Variants in NUMB observed in about 807,000 individuals in gnomAD.
The protein encoded by NUMB is NUMB endocytic adaptor protein, also known as protein numb homolog.
NUMB carries 29 observed loss-of-function variants against 59.7 expected under a neutral mutation model. The observed-to-expected ratio is 0.49, with a 90% CI of 0.36 to 0.66. NUMB has a LOEUF of 0.66. Ranked by LOEUF, NUMB falls within the 30% of genes least tolerant of loss-of-function variation. The pLI is 0.00. For synonymous variants in NUMB, 288 were observed against 288.2 expected (o/e 1.00, Z 0.01); for missense variants, 723 against 822.0 (o/e 0.88, Z 1.47).
rs1390806362 is a variant in NUMB, at chr14:73,277,000, G to A, written c.1534C>T (p.Pro512Ser). The A allele has an allele frequency of 1.2e-6, 2 of 1,614,162 alleles. No individual in the cohort carries two copies. Among genetic ancestry groups the A allele is most frequent in the Non-Finnish European group, 1.7e-6 (2 of 1,180,040 alleles). ...GGATAGGGCATTCCATTGGCCACAG[G>A]ATAGGACTGGGCAGGGACAAAGGCT... Reference protein sequence around the residue: ...QPAFVPAQSYPVANGMPYPAP... With the variant: ...QPAFVPAQSYSVANGMPYPAP... The change falls in exon 13 of 13, where the codon CCT becomes TCT. Residue 512 changes from proline to serine, a missense_variant. This residue lies in a region of NUMB where 406 missense variants were observed against 385.4 expected (regional missense o/e 1.05). Transcript: ENST00000555238.
At chr14:73,291,641 G>A (rs1241237969) in intron 8 of NUMB, among the ~76,000 whole-genome samples, 3 of 151,850 alleles carry the variant, frequency 2.0e-5, no homozygotes, top group African/African-American at 7.3e-5. Context: ...GCCTCCCAAA[G>A]TGCTGGGATT....
At chr14:73,302,207 A>G (rs1183657119) in intron 6 of NUMB, among the ~76,000 whole-genome samples, 1 of 152,200 alleles carries the variant, frequency 6.6e-6, no homozygotes, top group Non-Finnish European at 1.5e-5. Context: ...ATCTCTCTGA[A>G]GAGGGGAAGA....
chr14:73,392,940 G>T (rs1895925081), intron 2 of NUMB, among the ~76,000 whole-genome samples: 2 of 152,096 alleles, frequency 1.3e-5, no homozygotes, highest in Admixed American at 6.5e-5. Context: ...AAAGTTGTAG[G>T]CAAAATTTAA....
intron 2 of NUMB, among the ~76,000 whole-genome samples, chr14:73,407,024 G>A (rs1177204574): frequency 6.6e-6 from 1 of 152,024 alleles, no homozygotes; most frequent in Non-Finnish European, 1.5e-5. Flanking sequence ...TGTATTTTTA[G>A]TAGAGACGGG....
chr14:73,335,834 C>T (rs1254422530), intron 4 of NUMB, among the ~76,000 whole-genome samples: 1 of 152,208 alleles, frequency 6.6e-6, no homozygotes, highest in East Asian at 1.9e-4. Flanking sequence ...CATCTTAACA[C>T]ATACATACAT....
intron 1 of NUMB, among the ~76,000 whole-genome samples, chr14:73,433,857 A>C (rs1433898194): frequency 6.6e-6 from 1 of 152,234 alleles, no homozygotes; most frequent in African/African-American, 2.4e-5. Context: ...TGGGAGGCCG[A>C]GGCCGATGGA....
rs561065846 is a variant in NUMB, at chr14:73,348,552, C to T, written c.126+7074G>A. Among the ~76,000 whole-genome samples, 21 of 152,300 alleles carry T rather than the reference C, an allele frequency of 1.4e-4. 1 individual carries two copies. In the South Asian group the frequency reaches 4.1e-3, roughly 30 times the overall value. On this transcript the variant is annotated intron_variant, in intron 4 of 12. Coordinates refer to ENST00000555238, the MANE Select transcript of NUMB (RefSeq NM_001005743.2). ...TGGCAGTGTTAGATTCTCATAGGAG[C>T]GCGAACTCTATTGTGAACTACCCAC... is the stretch of plus-strand genomic sequence containing the variant.
intron 6 of NUMB, among the ~76,000 whole-genome samples, chr14:73,311,817 G>C (rs1337134197): frequency 6.6e-6 from 1 of 152,206 alleles, no homozygotes; most frequent in African/African-American, 2.4e-5. Context: ...TCATTTTGAG[G>C]TTTCATCAAA....
At chr14:73,451,733 A>G (rs1422391090) in intron 1 of NUMB, among the ~76,000 whole-genome samples, 2 of 152,234 alleles carry the variant, frequency 1.3e-5, no homozygotes, top group Non-Finnish European at 2.9e-5. Flanking sequence ...AAAGGTAACC[A>G]AGGCCAATCT....
At chr14:73,389,757 A>C (rs1444902037) in intron 2 of NUMB, among the ~76,000 whole-genome samples, 3 of 152,246 alleles carry the variant, frequency 2.0e-5, no homozygotes, top group African/African-American at 7.2e-5. Flanking sequence ...AAATTATATA[A>C]TTCAATAGTC....
At chr14:73,354,447 G>T (rs1893654099) in intron 4 of NUMB, among the ~76,000 whole-genome samples, 1 of 149,274 alleles carries the variant, frequency 6.7e-6, no homozygotes, top group Non-Finnish European at 1.5e-5. Flanking sequence ...GGAGACGGAG[G>T]TTGCAGTGAG....
chr14:73,375,609 G>T (rs890211893), intron 2 of NUMB, among the ~76,000 whole-genome samples: 4 of 152,058 alleles, frequency 2.6e-5, no homozygotes, highest in Non-Finnish European at 5.9e-5. Context: ...CTGAGTATTT[G>T]ATCAGCATGC....
intron 1 of NUMB, among the ~76,000 whole-genome samples, chr14:73,446,346 G>A (rs373912797): frequency 2.6e-5 from 4 of 151,920 alleles, no homozygotes; most frequent in African/African-American, 9.7e-5. Context: ...GGTGGCTCAC[G>A]CCTGTAATCC....
chr14:73,373,123 T>C (rs1894789411), intron 2 of NUMB, among the ~76,000 whole-genome samples: 1 of 152,186 alleles, frequency 6.6e-6, no homozygotes, highest in African/African-American at 2.4e-5. Flanking sequence ...CCATAAAAAA[T>C]GAACCTTTCC....
intron 4 of NUMB, among the ~76,000 whole-genome samples, chr14:73,341,165 A>G (rs910842578): frequency 2.0e-5 from 3 of 152,204 alleles, no homozygotes; most frequent in Admixed American, 2.0e-4. Context: ...GGACTAATAC[A>G]CTGACCTACA....
intron 1 of NUMB, among the ~76,000 whole-genome samples, chr14:73,420,249 C>G (rs1436140473): frequency 1.3e-5 from 2 of 152,210 alleles, no homozygotes; most frequent in African/African-American, 4.8e-5. Flanking sequence ...CTGCAAGACA[C>G]GTTGTCGTCT....
In NUMB at chr14:73,389,284, AAAAAAAAAAC is replaced by A. The variant is rs1435083418; in HGVS notation, c.-101+20643_-101+20652del. On this transcript the variant is annotated intron_variant, in intron 2 of 12. Coordinates refer to ENST00000555238, the MANE Select transcript of NUMB (RefSeq NM_001005743.2). ...AGACTCCATCTCTCAAAAAAAAAAA[AAAAAAAAAAC>A]AAAAACAAAAACACTGGTCTCTGTT... Among the ~76,000 whole-genome samples, 28 of 101,334 alleles carry A rather than the reference AAAAAAAAAAC, an allele frequency of 2.8e-4. 1 individual carries two copies. Among genetic ancestry groups the A allele is most frequent in the Non-Finnish European group, 3.5e-4 (19 of 54,170 alleles). The allele number at this position is 101,334 out of a possible 152,430, so 66.5% of individuals were successfully genotyped here. A position where few individuals can be genotyped will look rare whatever the true frequency, so the allele number is the denominator to read the frequency against.
At chr14:73,373,326 G>A (rs1410477897) in intron 2 of NUMB, among the ~76,000 whole-genome samples, 1 of 152,238 alleles carries the variant, frequency 6.6e-6, no homozygotes, top group African/African-American at 2.4e-5. Context: ...TGCAAGGGCA[G>A]GACCCAGTAG....
chr14:73,436,096 T>G (rs184207098), intron 1 of NUMB, among the ~76,000 whole-genome samples: 1 of 152,164 alleles, frequency 6.6e-6, no homozygotes, highest in African/African-American at 2.4e-5. Context: ...TTGTGTCACT[T>G]AGAAATTATC....
Sources: allele counts gnomAD v4.1 joint callset (sites outside exome capture counted in the v4.1 genomes callset), GRCh38; gene constraint gnomAD v4.1.1; regional missense constraint gnomAD v4.1.1; transcripts MANE v1.5; gene names NCBI Gene and HGNC (gene_info 2026-07-23, HGNC 2026-07-21).